Variants in PCOLCE2 observed in about 807,000 individuals in gnomAD.
PCOLCE2 encodes procollagen C-proteinase enhancer 2.
PCOLCE2 carries 42 observed loss-of-function variants against 47.0 expected under a neutral mutation model. The observed-to-expected ratio is 0.89, with a 90% CI of 0.70 to 1.16. PCOLCE2 has a LOEUF of 1.16. PCOLCE2 is among the 50% of genes most tolerant of loss of function. PCOLCE2 has a pLI of 0.00. For missense variants in PCOLCE2, 500 were observed against 526.1 expected, an observed-to-expected ratio of 0.95 and a Z score of 0.49; for synonymous variants, 169 against 191.7, an observed-to-expected ratio of 0.88 and a Z score of 0.98.
At chr3:142,821,084 G>A (rs1937008375) in intron 7 of PCOLCE2, 39 bp from the exon 8 acceptor site, 1 of 1,489,246 alleles carries the variant, frequency 6.7e-7, no homozygotes, top group South Asian at 1.2e-5. Context: ...TGACAGTGAA[G>A]GCAAATGCAA....
At chr3:142,847,691 C>T (rs1937342313) in intron 3 of PCOLCE2, among the ~76,000 whole-genome samples, 1 of 152,146 alleles carries the variant, frequency 6.6e-6, no homozygotes, top group Non-Finnish European at 1.5e-5. Context: ...TGTGTGCCAC[C>T]ACACCCAGAT....
intron 8 of PCOLCE2, 81 bp downstream of exon 8, chr3:142,820,797 C>T (rs1937004024): frequency 8.2e-7 from 1 of 1,222,476 alleles, no homozygotes; most frequent in Non-Finnish European, 1.2e-6. Flanking sequence ...ACATATTAGC[C>T]CTGATTTTAC....
chr3:142,881,286 T>A (rs1933605249), intron 2 of PCOLCE2, among the ~76,000 whole-genome samples: 1 of 152,244 alleles, frequency 6.6e-6, no homozygotes, highest in Non-Finnish European at 1.5e-5. Context: ...ACACAAGTTC[T>A]TTAGACTTCA....
intron 2 of PCOLCE2, among the ~76,000 whole-genome samples, chr3:142,861,477 G>GTTTATTATCTAATTTT (rs1933181728): frequency 1.4e-5 from 2 of 148,126 alleles, no homozygotes; most frequent in Non-Finnish European, 1.5e-5. Context: ...TGAGTGTCAA[G>GTTTATTATCTAATTTT]TTTAGCCCTG....
At chr3:142,841,074 C>CAA (rs59679467) in intron 4 of PCOLCE2, among the ~76,000 whole-genome samples, 56 of 93,522 alleles carry the variant, frequency 6.0e-4, no homozygotes, top group East Asian at 7.4e-4. Context: ...GACTCCGTCT[C>CAA]AAAAAAAAAA....
Position 142,858,262 on chromosome 3 carries a change from C to G in PCOLCE2, c.193-9790G>C, listed in dbSNP as rs183755382. Among the ~76,000 whole-genome samples the G allele has an allele frequency of 2.0e-3, 302 of 152,316 alleles. 4 individuals carry two copies. The South Asian group carries it at 0.028, about 14-fold the overall frequency. On this transcript the variant is annotated intron_variant, in intron 2 of 8. Coordinates refer to ENST00000295992, the MANE Select transcript of PCOLCE2 (RefSeq NM_013363.4). ...CAGCTGACTGTGAACCTTGCACAGA[C>G]AGGAGTGTTCTAGTCATCTTTGTCT...
intron 6 of PCOLCE2, 111 bp from the exon 7 acceptor site, chr3:142,823,726 C>A: frequency 3.0e-6 from 2 of 663,090 alleles, no homozygotes. Context: ...AGCCACCAAT[C>A]TATCACTACA....
chr3:142,819,558 T>G (rs1936989349), intron 8 of PCOLCE2, among the ~76,000 whole-genome samples: 1 of 152,214 alleles, frequency 6.6e-6, no homozygotes, highest in African/African-American at 2.4e-5. Context: ...TACAGAGCCT[T>G]TGTGATTCTC....
At position 142,848,329 on chromosome 3, in the gene PCOLCE2, A is replaced by G. The variant is rs1385602443; in HGVS notation, c.336T>C (p.Pro112=). Residue 112 remains proline (P), a synonymous_variant, in exon 3 of 9, where the codon CCT becomes CCC. Coordinates refer to ENST00000295992, the MANE Select transcript of PCOLCE2 (RefSeq NM_013363.4). The part of the protein sequence containing the change: ...RIGRFCGTFR[P]GALVSSGNKM... ...TGTTGCCACTGGACACAAGGGCTCC[A>G]GGCCGGAAAGTGCCACAGAAGCGGC... is the stretch of plus-strand genomic sequence containing the variant. 1.2e-6 allele frequency: 2 copies of G among 1,614,126 alleles called. No individual in the cohort carries two copies. Among genetic ancestry groups the G allele is most frequent in the Non-Finnish European group, 1.7e-6 (2 of 1,180,046 alleles).
intron 2 of PCOLCE2, among the ~76,000 whole-genome samples, chr3:142,884,898 A>C (rs540744892): frequency 1.3e-5 from 2 of 152,374 alleles, no homozygotes; most frequent in African/African-American, 4.8e-5. Context: ...GCCACTATCC[A>C]CATGTGGCTA....
chr3:142,826,922 C>A (rs1937086434), intron 6 of PCOLCE2, among the ~76,000 whole-genome samples: 1 of 152,168 alleles, frequency 6.6e-6, no homozygotes, highest in African/African-American at 2.4e-5. Flanking sequence ...GCCAGTGTAA[C>A]CTTCTCTTCA....
At chr3:142,883,285 C>CTTTAAG (rs1933660890) in intron 2 of PCOLCE2, among the ~76,000 whole-genome samples, 1 of 151,574 alleles carries the variant, frequency 6.6e-6, no homozygotes, top group African/African-American at 2.4e-5. Context: ...AGATTCTAGG[C>CTTTAAG]TTTAAGTTTC....
intron 2 of PCOLCE2, among the ~76,000 whole-genome samples, chr3:142,862,500 T>C (rs58090088): frequency 0.066 from 10,052 of 152,266 alleles, 374 homozygotes; most frequent in African/African-American, 0.093. Flanking sequence ...TTCAATTCCC[T>C]TACTGTAATT....
intron 6 of PCOLCE2, among the ~76,000 whole-genome samples, chr3:142,826,091 G>A (rs907443791): frequency 2.6e-5 from 4 of 151,458 alleles, no homozygotes; most frequent in Admixed American, 2.0e-4. Context: ...TGCAAACTCC[G>A]CATCCTGGGT....
intron 2 of PCOLCE2, among the ~76,000 whole-genome samples, chr3:142,849,367 C>A (rs1937365735): frequency 6.6e-6 from 1 of 152,166 alleles, no homozygotes; most frequent in Non-Finnish European, 1.5e-5. Context: ...CTGAATGTCA[C>A]TAAGTTTTTT....
intron 3 of PCOLCE2, among the ~76,000 whole-genome samples, chr3:142,847,213 A>G (rs1268923921): frequency 2.0e-5 from 3 of 152,182 alleles, no homozygotes; most frequent in African/African-American, 4.8e-5. Context: ...TGCCAGGCCA[A>G]CTGGGCTCTC....
intron 2 of PCOLCE2, among the ~76,000 whole-genome samples, chr3:142,870,706 A>ATTT (rs200280430): frequency 0.023 from 3,133 of 135,342 alleles, 139 homozygotes; most frequent in African/African-American, 0.078. Context: ...GAATGAGGCA[A>ATTT]TTTTTTTTTT....
chr3:142,852,647 A>ATGTGTGTGTG (rs35154183), intron 2 of PCOLCE2, among the ~76,000 whole-genome samples: 17 of 144,780 alleles, frequency 1.2e-4, no homozygotes, highest in African/African-American at 4.3e-4. Flanking sequence ...GCTGATCAAA[A>ATGTGTGTGTG]TGTGTGTGTG....
At chr3:142,869,108 G>C (rs564338876) in intron 2 of PCOLCE2, among the ~76,000 whole-genome samples, 1 of 152,114 alleles carries the variant, frequency 6.6e-6, no homozygotes, top group East Asian at 1.9e-4. Flanking sequence ...TGGCTAACAC[G>C]GTGAAACCCC....
Sources: gnomAD v4.1 joint callset for allele counts (sites outside exome capture counted in the v4.1 genomes callset) on GRCh38, gnomAD v4.1.1 for gene constraint, MANE v1.5 for transcripts, NCBI Gene and HGNC (gene_info 2026-07-23, HGNC 2026-07-21) for gene names.